The following JPH3 variants were observed in gnomAD, a reference collection of about 807,000 sequenced individuals.
The protein encoded by JPH3 is junctophilin-3.
In JPH3, 11 loss-of-function variants were observed where a neutral mutation model predicts 59.6. That is an observed-to-expected ratio of 0.18 (90% CI 0.12 to 0.31). The LOEUF (loss-of-function observed/expected upper bound fraction) is 0.31. Among genes scored for constraint, JPH3 ranks in the 10% least tolerant of loss-of-function variants. JPH3 has a pLI of 1.00. For missense variants in JPH3, 1,202 were observed against 1,105.7 expected (o/e 1.09, Z -1.24); for synonymous variants, 673 against 483.6 (o/e 1.39, Z -5.14).
chr16:87,649,154 G>T (rs914931874), intron 2 of JPH3, among the ~76,000 whole-genome samples: 4 of 152,186 alleles, frequency 2.6e-5, no homozygotes, highest in African/African-American at 9.6e-5. Flanking sequence ...CAGTGGCCCC[G>T]CGGAGCTGAG....
At chr16:87,662,850 C>G (rs2032748577) in intron 2 of JPH3, among the ~76,000 whole-genome samples, 1 of 152,208 alleles carries the variant, frequency 6.6e-6, no homozygotes, top group Admixed American at 6.5e-5. Flanking sequence ...CTGGGATGGC[C>G]CTCCCTACCT....
chr16:87,610,091 G>A (rs1326744308), intron 1 of JPH3, among the ~76,000 whole-genome samples: 1 of 152,196 alleles, frequency 6.6e-6, no homozygotes, highest in Non-Finnish European at 1.5e-5. Flanking sequence ...GGCATGAGCA[G>A]TTTCCAGTAG....
chr16:87,646,276 G>A (rs896478535), intron 2 of JPH3, among the ~76,000 whole-genome samples: 1 of 152,254 alleles, frequency 6.6e-6, no homozygotes, highest in Non-Finnish European at 1.5e-5. Context: ...AAAAATGGTG[G>A]CTGCGGTTTG....
At chr16:87,628,415 T>G (rs965568358) in intron 1 of JPH3, among the ~76,000 whole-genome samples, 2 of 151,990 alleles carry the variant, frequency 1.3e-5, no homozygotes, top group Non-Finnish European at 2.9e-5. Flanking sequence ...CCTGAGTGAG[T>G]GAGGGAGGGG....
intron 2 of JPH3, among the ~76,000 whole-genome samples, chr16:87,646,633 T>C (rs2032161340): frequency 6.6e-6 from 1 of 152,232 alleles, no homozygotes; most frequent in Non-Finnish European, 1.5e-5. Context: ...GTGAATTTCT[T>C]TCCTCTGTGT....
At chr16:87,614,358 G>A (rs1244403144) in intron 1 of JPH3, among the ~76,000 whole-genome samples, 3 of 151,980 alleles carry the variant, frequency 2.0e-5, no homozygotes, top group Non-Finnish European at 4.4e-5. Context: ...TCCCCTCCAA[G>A]GATAAAGGCA....
At chr16:87,694,495 C>G (rs2033722339) in intron 4 of JPH3, 1 of 152,202 alleles carries the variant, frequency 6.6e-6, no homozygotes, top group Non-Finnish European at 1.5e-5. Flanking sequence ...GCTGCCATCC[C>G]CAGAGGGAGT....
intron 1 of JPH3, among the ~76,000 whole-genome samples, chr16:87,632,188 C>G (rs2031585310): frequency 6.6e-6 from 1 of 152,102 alleles, no homozygotes; most frequent in African/African-American, 2.4e-5. Flanking sequence ...TAAAGTAATC[C>G]TCCCTGTTTG....
At chr16:87,645,912 T>C (rs1436722411) in intron 2 of JPH3, among the ~76,000 whole-genome samples, 2 of 152,218 alleles carry the variant, frequency 1.3e-5, no homozygotes, top group African/African-American at 4.8e-5. Flanking sequence ...CTGAGGTTAC[T>C]AAAGGGCTTT....
chr16:87,602,062 C>G (rs1326404327), upstream of JPH3: 1 of 149,144 alleles, frequency 6.7e-6, no homozygotes, highest in African/African-American at 2.5e-5. Context: ...GGGGCAGATC[C>G]GAGCCCGGCG....
intron 1 of JPH3, among the ~76,000 whole-genome samples, chr16:87,640,200 A>T (rs921720991): frequency 1.3e-5 from 2 of 151,786 alleles, no homozygotes; most frequent in African/African-American, 4.8e-5. Context: ...GTGGTGGTGC[A>T]TGCCTGTAGT....
At chr16:87,679,317 C>G (rs1026073992) in intron 2 of JPH3, among the ~76,000 whole-genome samples, 1 of 152,072 alleles carries the variant, frequency 6.6e-6, no homozygotes, top group Admixed American at 6.5e-5. Context: ...AGAGAGGGGT[C>G]ACCTGGATCT....
At chr16:87,631,602 G>C (rs2031568892) in intron 1 of JPH3, among the ~76,000 whole-genome samples, 1 of 152,098 alleles carries the variant, frequency 6.6e-6, no homozygotes, top group African/African-American at 2.4e-5. Context: ...TGGTATCTGT[G>C]AGCCCTCCAG....
At chr16:87,683,398 A>G (rs2033342295) in intron 2 of JPH3, among the ~76,000 whole-genome samples, 1 of 151,380 alleles carries the variant, frequency 6.6e-6, no homozygotes, top group Non-Finnish European at 1.5e-5. Flanking sequence ...TCCGCCTCCC[A>G]GGTTCAAGCA....
rs543145201 is a variant in JPH3, at chr16:87,687,928, A to G, written c.1286-1718A>G. ...GGAATGCCAGCCCCTTGGAAGTCCC[A>G]TCCTGGCCAAGGAGGAGGTACGATG... is the stretch of plus-strand genomic sequence containing the variant. On this transcript the variant is annotated intron_variant, in intron 3 of 4. Transcript: ENST00000284262. 2.0e-5 allele frequency among the ~76,000 whole-genome samples: 3 copies of G among 149,700 alleles called. No individual in the cohort carries two copies. In the South Asian group the frequency reaches 6.2e-4, roughly 31 times the overall value.
chr16:87,696,080 G>C, intron 4 of JPH3: 1 of 456,894 alleles, frequency 2.2e-6, no homozygotes, highest in South Asian at 1.5e-5. Context: ...TTTTGTTGAG[G>C]ACACTGTGCT....
chr16:87,660,318 G>T (rs1326487148), intron 2 of JPH3, among the ~76,000 whole-genome samples: 1 of 152,108 alleles, frequency 6.6e-6, no homozygotes, highest in Non-Finnish European at 1.5e-5. Context: ...GTGGACAGAG[G>T]GGGCTGCAGG....
chr16:87,692,112 T>G (rs867940654), intron 4 of JPH3, among the ~76,000 whole-genome samples: 2 of 152,060 alleles, frequency 1.3e-5, no homozygotes, highest in East Asian at 3.9e-4. Flanking sequence ...AGCTGCAGCA[T>G]CATGTCCCAC....
chr16:87,656,521 G>C (rs114488567), intron 2 of JPH3, among the ~76,000 whole-genome samples: 1 of 152,200 alleles, frequency 6.6e-6, no homozygotes, highest in Non-Finnish European at 1.5e-5. Context: ...GAAGGAACTC[G>C]GCTCAGGGCC....
Sources: allele counts gnomAD v4.1 joint callset (sites outside exome capture counted in the v4.1 genomes callset), GRCh38; gene constraint gnomAD v4.1.1; transcripts MANE v1.5; gene names NCBI Gene and HGNC (gene_info 2026-07-23, HGNC 2026-07-21).